Variants in BMAL1 observed in about 807,000 individuals in gnomAD.
BMAL1 encodes basic helix-loop-helix ARNT-like protein 1.
the BMAL1 span, chr11:13,277,207 GA>G: frequency 1.3e-5 from 2 of 152,506 alleles, no homozygotes; most frequent in Admixed American, 6.5e-5. Flanking sequence ...TGGTTTCCTA[GA>G]TGGAGCCGGA....
the BMAL1 span, among the ~76,000 whole-genome samples, chr11:13,315,337 C>T: frequency 6.6e-6 from 1 of 152,230 alleles, no homozygotes; most frequent in African/African-American, 2.4e-5. Context: ...GAAGCCTCCC[C>T]AACCTCCCTG....
At chr11:13,330,819 A>G in the BMAL1 span, among the ~76,000 whole-genome samples, 2 of 152,222 alleles carry the variant, frequency 1.3e-5, no homozygotes, top group Non-Finnish European at 2.9e-5. Context: ...GTTCTGTGCC[A>G]CTCAAAGGCG....
At chr11:13,328,276 T>C in the BMAL1 span, among the ~76,000 whole-genome samples, 1 of 152,224 alleles carries the variant, frequency 6.6e-6, no homozygotes, top group African/African-American at 2.4e-5. Context: ...TATTCTCAAT[T>C]CAGGTAAGTG....
the BMAL1 span, among the ~76,000 whole-genome samples, chr11:13,341,627 C>T: frequency 6.6e-6 from 1 of 152,214 alleles, no homozygotes; most frequent in Non-Finnish European, 1.5e-5. Flanking sequence ...TCTTTTGTTT[C>T]CTTTAGAACA....
the BMAL1 span, among the ~76,000 whole-genome samples, chr11:13,304,498 C>G: frequency 6.6e-6 from 1 of 152,182 alleles, no homozygotes; most frequent in Admixed American, 6.5e-5. Flanking sequence ...GGGCCCTGAC[C>G]TGTCCTCCAT....
At chr11:13,305,905 C>T in the BMAL1 span, among the ~76,000 whole-genome samples, 1 of 152,124 alleles carries the variant, frequency 6.6e-6, no homozygotes, top group African/African-American at 2.4e-5. Context: ...TGCTCCTTGG[C>T]ATTTCTGAGT....
chr11:13,314,229 C>CCACACACACT, the BMAL1 span, among the ~76,000 whole-genome samples: 3 of 138,648 alleles, frequency 2.2e-5, no homozygotes, highest in Non-Finnish European at 4.7e-5. Context: ...AGGGTGGAGA[C>CCACACACACT]CACACACACA....
the BMAL1 span, among the ~76,000 whole-genome samples, chr11:13,282,057 C>T: frequency 1.2e-4 from 18 of 152,162 alleles, no homozygotes; most frequent in African/African-American, 3.1e-4. Context: ...TTTGTGGTCT[C>T]GGAGTTACAG....
At chr11:13,286,676 C>G in the BMAL1 span, among the ~76,000 whole-genome samples, 7 of 152,028 alleles carry the variant, frequency 4.6e-5, no homozygotes, top group Admixed American at 3.3e-4. Flanking sequence ...CAGTAGGAAC[C>G]TTGATTTTGA....
the BMAL1 span, among the ~76,000 whole-genome samples, chr11:13,287,013 A>C: frequency 6.6e-6 from 1 of 152,164 alleles, no homozygotes; most frequent in African/African-American, 2.4e-5. Flanking sequence ...AGGATAGAAG[A>C]GGTTTTTGCT....
chr11:13,368,245 C>T, the BMAL1 span, among the ~76,000 whole-genome samples: 1 of 152,046 alleles, frequency 6.6e-6, no homozygotes, highest in Middle Eastern at 3.2e-3. Context: ...GCATAGAGAA[C>T]GGATGATTAA....
chr11:13,348,119 G>T, the BMAL1 span, among the ~76,000 whole-genome samples: 17 of 152,248 alleles, frequency 1.1e-4, no homozygotes, highest in Non-Finnish European at 2.9e-5. Flanking sequence ...AGCTCTGAAG[G>T]CTTCTCCAGG....
At chr11:13,312,148 G>GT in the BMAL1 span, among the ~76,000 whole-genome samples, 1 of 152,190 alleles carries the variant, frequency 6.6e-6, no homozygotes, top group Non-Finnish European at 1.5e-5. Flanking sequence ...CACTCATTAT[G>GT]TACTAAGTCC....
chr11:13,278,282 G>A, the BMAL1 span, among the ~76,000 whole-genome samples: 1 of 152,234 alleles, frequency 6.6e-6, no homozygotes, highest in South Asian at 2.1e-4. Flanking sequence ...TACCTGGCGG[G>A]GGGAGGGGGC....
At chr11:13,300,885 G>A in the BMAL1 span, among the ~76,000 whole-genome samples, 1 of 152,168 alleles carries the variant, frequency 6.6e-6, no homozygotes, top group Non-Finnish European at 1.5e-5. Flanking sequence ...TGAGGTATGT[G>A]TTGGCTTTGG....
the BMAL1 span, among the ~76,000 whole-genome samples, chr11:13,281,205 A>C: frequency 6.6e-6 from 1 of 152,034 alleles, no homozygotes; most frequent in African/African-American, 2.4e-5. Flanking sequence ...CCACCCTGAA[A>C]ACCTTAGGCT....
At chr11:13,321,690 G>A in the BMAL1 span, among the ~76,000 whole-genome samples, 8 of 152,090 alleles carry the variant, frequency 5.3e-5, no homozygotes. Flanking sequence ...GGGCCCCAGG[G>A]TCACACATCA....
At chr11:13,281,572 T>C in the BMAL1 span, among the ~76,000 whole-genome samples, 1 of 152,146 alleles carries the variant, frequency 6.6e-6, no homozygotes, top group Admixed American at 6.5e-5. Context: ...TGGAGTGCAG[T>C]GGTGCAATCG....
chr11:13,302,024 G>A, the BMAL1 span, among the ~76,000 whole-genome samples: 56 of 152,304 alleles, frequency 3.7e-4, 1 homozygote, highest in Middle Eastern at 0.027. Flanking sequence ...GACAGATGCC[G>A]TATGTTTAGA....
Sources: gnomAD v4.1 joint callset for allele counts (sites outside exome capture counted in the v4.1 genomes callset) on GRCh38, gnomAD v4.1.1 for gene constraint, MANE v1.5 for transcripts, NCBI Gene and HGNC (gene_info 2026-07-23, HGNC 2026-07-21) for gene names.